ASTN2: variants seen among roughly 807,000 people sequenced by gnomAD.
ASTN2 encodes the protein astrotactin 2, also known as astrotactin-2.
Under a neutral mutation model 139.8 loss-of-function variants are expected in ASTN2, and 54 were observed. That is an observed-to-expected ratio of 0.39 (90% confidence interval 0.31 to 0.48). The LOEUF (loss-of-function observed/expected upper bound fraction) is 0.48. ASTN2 is among the 20% of genes least tolerant of loss of function. The pLI, the probability that ASTN2 is intolerant of heterozygous loss-of-function variation, is 0.95. For synonymous variants in ASTN2, 756 were observed against 719.5 expected (o/e 1.05, Z -0.81); for missense variants, 1,565 against 1,725.1 (o/e 0.91, Z 1.64).
chr9:116,786,488 A>G (rs959832819), intron 13 of ASTN2, among the ~76,000 whole-genome samples: 1 of 152,066 alleles, frequency 6.6e-6, no homozygotes, highest in Non-Finnish European at 1.5e-5. Flanking sequence ...TGTCTGGTGC[A>G]GTGTGTCATT....
intron 19 of ASTN2, chr9:116,583,249 A>C (rs1297286352): frequency 6.6e-6 from 1 of 152,202 alleles, no homozygotes; most frequent in African/African-American, 2.4e-5. Context: ...TGAAGAGAGA[A>C]CTTTTCTTGG....
At chr9:116,839,884 T>TTA (rs1564297197) in intron 11 of ASTN2, among the ~76,000 whole-genome samples, 7,563 of 78,990 alleles carry the variant, frequency 0.096, 275 homozygotes, top group East Asian at 0.25. Context: ...TATTATTATT[T>TTA]TTTTTTTTTT....
chr9:117,160,688 C>T (rs768435297), intron 3 of ASTN2, among the ~76,000 whole-genome samples: 9 of 151,906 alleles, frequency 5.9e-5, no homozygotes, highest in Non-Finnish European at 1.2e-4. Context: ...AAAACACTGA[C>T]TAGAATGTAG....
At chr9:116,753,853 A>G (rs1225605443) in intron 13 of ASTN2, among the ~76,000 whole-genome samples, 1 of 151,686 alleles carries the variant, frequency 6.6e-6, no homozygotes, top group East Asian at 1.9e-4. Context: ...GGTTTGTTAC[A>G]TACGTATACA....
Position 116,699,997 on chromosome 9 carries a change from C to T in ASTN2, c.2806+25774G>A. ...TCCAAGGCTTTAGTAGAGAGAGCCA[C>T]TTTAGCCCTTTGTGCCATGTTTGAA... On this transcript the variant is annotated intron_variant, in intron 16 of 22. Transcript: ENST00000313400. This position sits in a 1 kb window ranked among gnomAD's most constrained non-coding sequence, Gnocchi z 4.2. 2.1e-6 allele frequency: 1 copy of T among 470,996 alleles called. No individual in the cohort carries two copies. The highest frequency in any genetic ancestry group is 3.9e-6 in the Non-Finnish European group (1 of 255,488). 29.2% of individuals were successfully genotyped at this position (470,996 alleles called of 1,614,324 possible).
intron 11 of ASTN2, among the ~76,000 whole-genome samples, chr9:116,852,264 G>A (rs1832627012): frequency 6.6e-6 from 1 of 152,202 alleles, no homozygotes; most frequent in Non-Finnish European, 1.5e-5. Flanking sequence ...ACTGGGTCCG[G>A]CCAACAATAT....
intron 7 of ASTN2, among the ~76,000 whole-genome samples, chr9:116,996,986 G>T (rs1347043696): frequency 6.6e-6 from 1 of 152,084 alleles, no homozygotes; most frequent in Non-Finnish European, 1.5e-5. Flanking sequence ...GGTCTTAAAA[G>T]CTGAGCACTT....
intron 5 of ASTN2, among the ~76,000 whole-genome samples, chr9:117,056,769 A>G (rs1160563451): frequency 1.3e-5 from 2 of 152,212 alleles, no homozygotes; most frequent in Non-Finnish European, 2.9e-5. Context: ...TCAGACAAAT[A>G]AAGTTTGAAA....
intron 16 of ASTN2, among the ~76,000 whole-genome samples, chr9:116,693,879 T>C (rs1213278855): frequency 2.0e-5 from 3 of 152,232 alleles, no homozygotes; most frequent in Non-Finnish European, 4.4e-5. Flanking sequence ...AGATGTGCCC[T>C]TCTGGAGGAG....
intron 10 of ASTN2, among the ~76,000 whole-genome samples, chr9:116,941,189 T>A (rs1407665876): frequency 7.0e-6 from 1 of 142,306 alleles, no homozygotes; most frequent in Non-Finnish European, 1.6e-5. Flanking sequence ...CAGTTTGAGA[T>A]CCATTAAGAC....
chr9:117,054,770 C>T (rs191475744), intron 5 of ASTN2, among the ~76,000 whole-genome samples: 11 of 152,264 alleles, frequency 7.2e-5, no homozygotes, highest in Admixed American at 5.9e-4. Context: ...TAGTTCATTG[C>T]AAGGAAAGTG....
chr9:117,006,241 C>A (rs1049870218), intron 7 of ASTN2, among the ~76,000 whole-genome samples: 1 of 152,062 alleles, frequency 6.6e-6, no homozygotes, highest in African/African-American at 2.4e-5. Context: ...AGATCAGGAC[C>A]CAAATGCCCA....
chr9:116,564,007 A>G (rs766722629), intron 19 of ASTN2, among the ~76,000 whole-genome samples: 6 of 152,240 alleles, frequency 3.9e-5, no homozygotes, highest in Non-Finnish European at 5.9e-5. Context: ...TATATACCAT[A>G]AACTCTTTGC....
At chr9:117,208,508 G>A (rs774939750) in intron 3 of ASTN2, among the ~76,000 whole-genome samples, 1 of 151,958 alleles carries the variant, frequency 6.6e-6, no homozygotes, top group Non-Finnish European at 1.5e-5. Flanking sequence ...AAAGCCTCAA[G>A]TAAGTGAAAA....
chr9:116,462,069 G>A (rs1848503348), intron 20 of ASTN2, among the ~76,000 whole-genome samples: 1 of 152,046 alleles, frequency 6.6e-6, no homozygotes, highest in South Asian at 2.1e-4. Context: ...GGCATGATTT[G>A]CCCAAGCTCA....
intron 19 of ASTN2, among the ~76,000 whole-genome samples, chr9:116,506,281 G>T (rs55821450): frequency 0.2 from 30,839 of 152,112 alleles, 3,271 homozygotes; most frequent in Non-Finnish European, 0.23. Flanking sequence ...GAGGCCCAAG[G>T]AGGTGAAGAA....
At chr9:117,345,426 A>G (rs1829185352) in intron 1 of ASTN2, among the ~76,000 whole-genome samples, 2 of 152,160 alleles carry the variant, frequency 1.3e-5, no homozygotes, top group African/African-American at 4.8e-5. Context: ...CATGACTCTA[A>G]GTGCTTCAGA....
At chr9:116,594,583 C>A (rs73526182) in intron 19 of ASTN2, among the ~76,000 whole-genome samples, 7,187 of 152,180 alleles carry the variant, frequency 0.047, 557 homozygotes, top group African/African-American at 0.16. Flanking sequence ...ATTTTGCAGT[C>A]ACTTTATGTT....
intron 4 of ASTN2, among the ~76,000 whole-genome samples, chr9:117,127,672 G>GTTTTTTTTTT (rs11427891): frequency 1.7e-4 from 12 of 70,898 alleles, no homozygotes; most frequent in Non-Finnish European, 2.3e-4. Context: ...TTTTGTTTTG[G>GTTTTTTTTTT]TTTTTTTTTT....
Sources: gnomAD v4.1 joint callset for allele counts (sites outside exome capture counted in the v4.1 genomes callset) on GRCh38, gnomAD v4.1.1 for gene constraint, Gnocchi (gnomAD v3.1) non-coding constraint, MANE v1.5 for transcripts, NCBI Gene and HGNC (gene_info 2026-07-23, HGNC 2026-07-21) for gene names.